GALNT13: variants seen among roughly 807,000 people sequenced by gnomAD.
The protein encoded by GALNT13 is polypeptide N-acetylgalactosaminyltransferase 13.
A neutral mutation model predicts 64.2 loss-of-function variants in GALNT13; 28 were observed. That is an observed-to-expected ratio of 0.44 (90% CI 0.32 to 0.60). The LOEUF (loss-of-function observed/expected upper bound fraction) is 0.60. Among genes scored for constraint, GALNT13 ranks in the 20% least tolerant of loss-of-function variants. The pLI is 0.05. For missense variants in GALNT13, 577 were observed against 669.8 expected (o/e 0.86, Z 1.53); for synonymous variants, 214 against 224.6 (o/e 0.95, Z 0.42).
At chr2:153,410,764 A>G in the GALNT13 span, among the ~76,000 whole-genome samples, 55 of 152,264 alleles carry the variant, frequency 3.6e-4, no homozygotes, top group African/African-American at 1.3e-3. Flanking sequence ...AGAGATAAAA[A>G]TAAGCCATAT....
chr2:154,019,243 A>G (rs1382922724), intron 3 of GALNT13, among the ~76,000 whole-genome samples: 2 of 152,190 alleles, frequency 1.3e-5, no homozygotes, highest in African/African-American at 4.8e-5. Flanking sequence ...TAATACCATA[A>G]TTTAAAAATC....
At chr2:154,131,464 G>A (rs1475988129) in intron 3 of GALNT13, among the ~76,000 whole-genome samples, 5 of 152,054 alleles carry the variant, frequency 3.3e-5, no homozygotes, top group East Asian at 3.9e-4. Flanking sequence ...AGAACAAATC[G>A]TATTCCTTTA....
chr2:154,204,951 GC>G (rs1470757680), intron 4 of GALNT13, among the ~76,000 whole-genome samples: 1 of 152,112 alleles, frequency 6.6e-6, no homozygotes, highest in Non-Finnish European at 1.5e-5. Context: ...TGCTGTGTTA[GC>G]CCTGATGGCT....
the GALNT13 span, among the ~76,000 whole-genome samples, chr2:153,577,593 T>C: frequency 6.6e-6 from 1 of 151,994 alleles, no homozygotes. Flanking sequence ...AGATGCCCCC[T>C]CTCTTAATTT....
In GALNT13 at chr2:154,338,393, C is replaced by T. The variant is rs182487965; in HGVS notation, c.1156+36804C>T. ...ATATGTGGAGTTGTTTCATTGCCAG[C>T]GTTTTGAATAGAAACACTTTCATTG... On this transcript the variant is annotated intron_variant, in intron 9 of 12. Coordinates refer to ENST00000392825, the MANE Select transcript of GALNT13 (RefSeq NM_052917.4). Among the ~76,000 whole-genome samples, 133 of 151,942 alleles carry T rather than the reference C, an allele frequency of 8.8e-4. 3 individuals are homozygous for T. In the East Asian group the frequency reaches 0.019, roughly 22 times the overall value.
At chr2:153,646,615 C>A in the GALNT13 span, among the ~76,000 whole-genome samples, 1 of 152,038 alleles carries the variant, frequency 6.6e-6, no homozygotes, top group Admixed American at 6.6e-5. Context: ...CTCCCCCCTC[C>A]CCCTACTCCA....
At chr2:153,721,594 C>T in the GALNT13 span, among the ~76,000 whole-genome samples, 4 of 148,546 alleles carry the variant, frequency 2.7e-5, no homozygotes, top group African/African-American at 1.0e-4. Context: ...CACATAGGCT[C>T]AAAATAAAAG....
the GALNT13 span, among the ~76,000 whole-genome samples, chr2:153,136,917 C>A: frequency 6.6e-6 from 1 of 150,906 alleles, no homozygotes; most frequent in East Asian, 2.0e-4. Flanking sequence ...CAGTGGGCTC[C>A]CCAAACACAG....
the GALNT13 span, among the ~76,000 whole-genome samples, chr2:153,648,610 T>G: frequency 0.2 from 30,978 of 151,886 alleles, 4,083 homozygotes; most frequent in Middle Eastern, 0.44. Flanking sequence ...GTTTGTCATA[T>G]ATAGCTCTTA....
At chr2:153,776,172 CAAAT>C in the GALNT13 span, among the ~76,000 whole-genome samples, 1 of 152,100 alleles carries the variant, frequency 6.6e-6, no homozygotes, top group East Asian at 1.9e-4. Context: ...AATCAAAAAA[CAAAT>C]AATGAAATCT....
At chr2:154,075,210 A>G (rs747530740) in intron 3 of GALNT13, among the ~76,000 whole-genome samples, 9 of 151,834 alleles carry the variant, frequency 5.9e-5, no homozygotes, top group Non-Finnish European at 2.9e-5. Context: ...TACTGAACCC[A>G]TGTGACATGC....
chr2:153,239,801 CTT>C, the GALNT13 span, among the ~76,000 whole-genome samples: 1 of 151,782 alleles, frequency 6.6e-6, no homozygotes, highest in Non-Finnish European at 1.5e-5. Context: ...TTTGATGTGT[CTT>C]TGCCTGGTTT....
At chr2:153,191,196 G>T in the GALNT13 span, among the ~76,000 whole-genome samples, 1 of 152,158 alleles carries the variant, frequency 6.6e-6, no homozygotes, top group South Asian at 2.1e-4. Context: ...TCAGTATGAT[G>T]TTAGCTGTAT....
chr2:153,690,940 C>T, the GALNT13 span, among the ~76,000 whole-genome samples: 1 of 152,056 alleles, frequency 6.6e-6, no homozygotes, highest in Non-Finnish European at 1.5e-5. Flanking sequence ...CTAAAGAGAG[C>T]AAACAATCCA....
At chr2:153,906,641 A>G (rs1300195722) in intron 2 of GALNT13, among the ~76,000 whole-genome samples, 7 of 151,656 alleles carry the variant, frequency 4.6e-5, no homozygotes, top group African/African-American at 1.7e-4. Flanking sequence ...AATCCAGTCT[A>G]TCGTTGTTGG....
At chr2:153,345,962 A>ATTTG in the GALNT13 span, among the ~76,000 whole-genome samples, 3 of 151,048 alleles carry the variant, frequency 2.0e-5, no homozygotes, top group Non-Finnish European at 4.4e-5. Flanking sequence ...AGCCCAGCTA[A>ATTTG]TTTGTTTGTT....
At chr2:153,107,191 A>C in the GALNT13 span, among the ~76,000 whole-genome samples, 1 of 152,138 alleles carries the variant, frequency 6.6e-6, no homozygotes, top group Non-Finnish European at 1.5e-5. Flanking sequence ...CTTTGTGATG[A>C]AAGGTCCTCG....
the GALNT13 span, among the ~76,000 whole-genome samples, chr2:153,094,351 A>C: frequency 1.3e-5 from 2 of 152,136 alleles, no homozygotes; most frequent in Non-Finnish European, 2.9e-5. Context: ...GACCTCTTCA[A>C]GGAGAACTAC....
intron 4 of GALNT13, among the ~76,000 whole-genome samples, chr2:154,147,399 A>C (rs1046263788): frequency 3.3e-5 from 5 of 149,336 alleles, no homozygotes; most frequent in African/African-American, 7.3e-5. Flanking sequence ...ATATATATAT[A>C]TATCTCCTAG....
Sources: allele counts gnomAD v4.1 joint callset (sites outside exome capture counted in the v4.1 genomes callset), GRCh38; gene constraint gnomAD v4.1.1; transcripts MANE v1.5; gene names NCBI Gene and HGNC (gene_info 2026-07-23, HGNC 2026-07-21).